Variants in AKT3 observed in about 807,000 individuals in gnomAD.
The protein encoded by AKT3 is RAC-gamma serine/threonine-protein kinase.
In AKT3, 15 loss-of-function variants were observed where a neutral mutation model predicts 65.3. The ratio of observed to expected loss-of-function variants is 0.23; its 90% CI spans 0.15 to 0.35. AKT3 has a LOEUF of 0.35. Among genes scored for constraint, AKT3 ranks in the 10% least tolerant of loss-of-function variants. The pLI, the probability that AKT3 is intolerant of heterozygous loss-of-function variation, is 1.00. For missense variants in AKT3, 243 were observed against 576.5 expected, an observed-to-expected ratio of 0.42 and a Z score of 5.92; for synonymous variants, 206 against 183.8, an observed-to-expected ratio of 1.12 and a Z score of -0.98.
At chr1:243,813,924 G>A (rs1195851366) in intron 2 of AKT3, among the ~76,000 whole-genome samples, 1 of 152,016 alleles carries the variant, frequency 6.6e-6, no homozygotes, top group African/African-American at 2.4e-5. Context: ...GGACAATCTA[G>A]TGAGACCCCA....
chr1:243,726,168 T>G (rs1687197801), intron 2 of AKT3, among the ~76,000 whole-genome samples: 1 of 152,208 alleles, frequency 6.6e-6, no homozygotes, highest in African/African-American at 2.4e-5. Context: ...GTTTGATAAA[T>G]TTAGAATTCC....
chr1:243,692,867 T>C (rs1000207073), intron 3 of AKT3, among the ~76,000 whole-genome samples: 1 of 152,090 alleles, frequency 6.6e-6, no homozygotes, highest in Non-Finnish European at 1.5e-5. Flanking sequence ...GCCTCAGCCA[T>C]GAACCTGAAA....
At chr1:243,581,259 T>C (rs1168947016) in intron 8 of AKT3, among the ~76,000 whole-genome samples, 2 of 152,180 alleles carry the variant, frequency 1.3e-5, no homozygotes, top group Non-Finnish European at 2.9e-5. Context: ...CCCCTGACCC[T>C]GGGGCTGGGC....
At chr1:243,839,540 T>C (rs1695107343) in intron 2 of AKT3, among the ~76,000 whole-genome samples, 1 of 152,192 alleles carries the variant, frequency 6.6e-6, no homozygotes, top group South Asian at 2.1e-4. Context: ...CAATTAATAC[T>C]TATCATTTTC....
intron 2 of AKT3, among the ~76,000 whole-genome samples, chr1:243,800,702 G>A (rs149365156): frequency 1.4e-4 from 22 of 151,858 alleles, no homozygotes; most frequent in African/African-American, 4.8e-4. Flanking sequence ...CAGCGACAGA[G>A]TGAGACTCAG....
intron 8 of AKT3, chr1:243,613,126 TATAC>T (rs973825446): frequency 2.1e-5 from 3 of 144,128 alleles, no homozygotes; most frequent in African/African-American, 7.6e-5. Context: ...TATATATACA[TATAC>T]ATATATACAT....
intron 2 of AKT3, among the ~76,000 whole-genome samples, chr1:243,758,507 A>G (rs994302735): frequency 2.0e-5 from 3 of 152,214 alleles, no homozygotes; most frequent in Non-Finnish European, 4.4e-5. Context: ...AACTGAGATC[A>G]GAGAGGTAAT....
intron 3 of AKT3, among the ~76,000 whole-genome samples, chr1:243,673,421 T>C (rs1278927599): frequency 6.6e-6 from 1 of 152,018 alleles, no homozygotes; most frequent in African/African-American, 2.4e-5. Context: ...TTGGATATTT[T>C]CCATTTCAGT....
chr1:243,533,099 C>T (rs548313282), intron 12 of AKT3, among the ~76,000 whole-genome samples: 2 of 152,160 alleles, frequency 1.3e-5, no homozygotes, highest in Non-Finnish European at 2.9e-5. Flanking sequence ...AACCAACTTT[C>T]GGTTTCGGTC....
intron 2 of AKT3, among the ~76,000 whole-genome samples, chr1:243,781,444 C>T (rs1032674562): frequency 2.2e-4 from 33 of 152,110 alleles, no homozygotes; most frequent in African/African-American, 6.5e-4. Context: ...CCTCCTCTGT[C>T]GAATGCCTCT....
chr1:243,786,115 TA>T (rs771024103), intron 2 of AKT3, among the ~76,000 whole-genome samples: 53 of 152,344 alleles, frequency 3.5e-4, no homozygotes, highest in Admixed American at 1.3e-3. Flanking sequence ...TGGAGGGTTT[TA>T]ATCAAGGGAT....
At chr1:243,690,805 A>G (rs923709816) in intron 3 of AKT3, among the ~76,000 whole-genome samples, 5 of 152,160 alleles carry the variant, frequency 3.3e-5, no homozygotes, top group African/African-American at 1.2e-4. Context: ...CTTAACTACT[A>G]CTACCTAGTA....
intron 2 of AKT3, among the ~76,000 whole-genome samples, chr1:243,841,988 G>A (rs1436873111): frequency 6.6e-6 from 1 of 152,154 alleles, no homozygotes; most frequent in African/African-American, 2.4e-5. Flanking sequence ...CAGATAAAGT[G>A]GTTGCCAGGG....
chr1:243,537,410 A>C (rs1391683555), intron 12 of AKT3, among the ~76,000 whole-genome samples: 1 of 152,098 alleles, frequency 6.6e-6, no homozygotes, highest in Non-Finnish European at 1.5e-5. Context: ...ATTACCAAAA[A>C]CCAGCTATAA....
At chr1:243,505,378 T>C (rs751148481) in intron 13 of AKT3, 44 bp from the exon 14 acceptor site, 1 of 1,551,020 alleles carries the variant, frequency 6.4e-7, no homozygotes, top group Non-Finnish European at 8.9e-7. Flanking sequence ...CATTCATTTT[T>C]TGCAACATTA....
chr1:243,674,611 G>C (rs1200731738), intron 3 of AKT3, among the ~76,000 whole-genome samples: 2 of 152,180 alleles, frequency 1.3e-5, no homozygotes, highest in Admixed American at 6.5e-5. Flanking sequence ...TTTAATAAGT[G>C]AATGTACCCA....
chr1:243,552,145 A>G (rs957749754), intron 11 of AKT3, among the ~76,000 whole-genome samples: 2 of 151,424 alleles, frequency 1.3e-5, no homozygotes, highest in African/African-American at 4.9e-5. Context: ...CAAAAATTAG[A>G]CAGGCGTGGT....
In AKT3 at chr1:243,572,910, T is replaced by A; in HGVS notation, c.819+16A>T. 1 of 307,768 alleles carries A rather than the reference T, an allele frequency of 3.2e-6. No individual in the cohort carries two copies. 19.1% of individuals were successfully genotyped at this position (307,768 alleles called of 1,614,324 possible). ...TCTGCAAAAACAAATTTTGATTACT[T>A]TTTTTTTTTTTTTACCTTGAGATCA... On this transcript the variant is annotated intron_variant, in intron 9 of 13. Transcript: ENST00000673466.
At chr1:243,576,511 A>C (rs1363609033) in intron 8 of AKT3, among the ~76,000 whole-genome samples, 2 of 152,226 alleles carry the variant, frequency 1.3e-5, no homozygotes, top group African/African-American at 4.8e-5. Flanking sequence ...CAAAAGCTTA[A>C]GTTGATAAGC....
Sources: gnomAD v4.1 joint callset for allele counts (sites outside exome capture counted in the v4.1 genomes callset) on GRCh38, gnomAD v4.1.1 for gene constraint, MANE v1.5 for transcripts, NCBI Gene and HGNC (gene_info 2026-07-23, HGNC 2026-07-21) for gene names.